The following MCTP1 variants were observed in gnomAD, a reference collection of about 807,000 sequenced individuals.
The protein encoded by MCTP1 is multiple C2 and transmembrane domain-containing protein 1.
In MCTP1, 69 loss-of-function variants were observed where a neutral mutation model predicts 120.6. That is an observed-to-expected ratio of 0.57 (90% CI 0.47 to 0.70). MCTP1 has a LOEUF of 0.70. Among genes scored for constraint, MCTP1 ranks in the 30% least tolerant of loss-of-function variants. The pLI is 0.00. For missense variants in MCTP1, 1,203 were observed against 1,248.8 expected (o/e 0.96, Z 0.55); for synonymous variants, 529 against 493.1 (o/e 1.07, Z -0.96).
At chr5:95,246,840 G>A (rs1756846461) in intron 1 of MCTP1, among the ~76,000 whole-genome samples, 1 of 152,132 alleles carries the variant, frequency 6.6e-6, no homozygotes, top group Non-Finnish European at 1.5e-5. Flanking sequence ...AGGGATATTG[G>A]CCTAAGATTC....
chr5:94,959,897 T>A (rs945771848), intron 2 of MCTP1, among the ~76,000 whole-genome samples: 6 of 152,210 alleles, frequency 3.9e-5, no homozygotes, highest in African/African-American at 1.4e-4. Flanking sequence ...ATTGACTTTC[T>A]TCAGAGAATT....
intron 1 of MCTP1, among the ~76,000 whole-genome samples, chr5:95,107,449 A>C (rs2152382656): frequency 6.6e-6 from 1 of 152,380 alleles, no homozygotes; most frequent in South Asian, 2.1e-4. Flanking sequence ...TAAATAAAGT[A>C]ACATTTTATT....
chr5:95,177,196 CAGAG>C (rs1345151186), intron 1 of MCTP1, among the ~76,000 whole-genome samples: 2 of 151,598 alleles, frequency 1.3e-5, no homozygotes, highest in Non-Finnish European at 2.9e-5. Context: ...CACATACACA[CAGAG>C]AGAAAGAGAT....
rs188818532 is a variant in MCTP1 at position 95,070,447 on chromosome 5, C to T, written c.721-52963G>A. On this transcript the variant is annotated intron_variant, in intron 1 of 22. Coordinates refer to ENST00000515393, the MANE Select transcript of MCTP1 (RefSeq NM_024717.7). The stretch of plus-strand genomic sequence containing the variant: ...GGGGATACCTTTAGGGACCTCCAAA[C>T]CTCTCAGCTTCCACAGCCACTCTGA... 6.6e-5 allele frequency among the ~76,000 whole-genome samples: 10 copies of T among 152,364 alleles called. No homozygotes were observed. The East Asian group carries it at 1.9e-3, about 29-fold the overall frequency.
Position 94,903,181 on chromosome 5 carries a change from T to A in MCTP1, c.1652+6070A>T, listed in dbSNP as rs568710678. Among the ~76,000 whole-genome samples, 5 of 152,294 alleles carry A rather than the reference T, an allele frequency of 3.3e-5. No homozygotes were observed. In the East Asian group the frequency reaches 7.7e-4, roughly 23 times the overall value. ...AAATAGTAAAATACAATGTTTTTTTTAAACTCTCTTCAGTTTAGAATTTTC... is the reference window on the plus strand; with the variant it reads ...AAATAGTAAAATACAATGTTTTTTTAAAACTCTCTTCAGTTTAGAATTTTC... On this transcript the variant is annotated intron_variant, in intron 10 of 22. Transcript: ENST00000515393.
At chr5:94,945,080 T>G (rs1464228801) in intron 3 of MCTP1, among the ~76,000 whole-genome samples, 1 of 152,156 alleles carries the variant, frequency 6.6e-6, no homozygotes, top group Non-Finnish European at 1.5e-5. Context: ...CAAATCTTGT[T>G]GTATTGAGTG....
chr5:94,975,735 T>C (rs1049495299), intron 2 of MCTP1, among the ~76,000 whole-genome samples: 4 of 152,062 alleles, frequency 2.6e-5, no homozygotes, highest in African/African-American at 9.7e-5. Flanking sequence ...TCTTCACCCC[T>C]TTCCCTCTCT....
chr5:94,815,746 T>C (rs982634659), intron 17 of MCTP1, among the ~76,000 whole-genome samples: 1 of 152,198 alleles, frequency 6.6e-6, no homozygotes, highest in Non-Finnish European at 1.5e-5. Context: ...TGAGGAGGCA[T>C]ACAATAGTGT....
Position 95,228,604 on chromosome 5 carries a change from T to C in MCTP1, c.720+55252A>G, listed in dbSNP as rs556179504. Among the ~76,000 whole-genome samples the C allele has an allele frequency of 2.5e-3, 385 of 152,222 alleles. 1 individual carries two copies. Among genetic ancestry groups the C allele is most frequent in the Middle Eastern group, 3.4e-3 (1 of 294 alleles). ...GAACCCAAATTAGTAGATAATATGG[T>C]TTGGATCTGTGTCTTTCTCCACCAA... is the stretch of plus-strand genomic sequence containing the variant. On this transcript the variant is annotated intron_variant, in intron 1 of 22. Coordinates refer to ENST00000515393, the MANE Select transcript of MCTP1 (RefSeq NM_024717.7).
intron 1 of MCTP1, among the ~76,000 whole-genome samples, chr5:95,168,203 T>C (rs1746695791): frequency 6.6e-6 from 1 of 152,224 alleles, no homozygotes; most frequent in Non-Finnish European, 1.5e-5. Context: ...ATCAGATAGT[T>C]GTAGACGTGT....
At chr5:94,994,943 T>A (rs900922568) in intron 2 of MCTP1, among the ~76,000 whole-genome samples, 44 of 152,316 alleles carry the variant, frequency 2.9e-4, no homozygotes, top group African/African-American at 1.1e-3. Context: ...ACACCAGTGT[T>A]TTGCCAGGGG....
At chr5:94,724,197 T>G (rs948564847) in intron 19 of MCTP1, among the ~76,000 whole-genome samples, 1 of 152,168 alleles carries the variant, frequency 6.6e-6, no homozygotes, top group African/African-American at 2.4e-5. Context: ...GCAATACAGA[T>G]GGACTTGTTG....
chr5:95,005,202 T>G (rs1834469055), intron 2 of MCTP1, among the ~76,000 whole-genome samples: 1 of 152,210 alleles, frequency 6.6e-6, no homozygotes, highest in Admixed American at 6.5e-5. Context: ...TTTTTCCCTT[T>G]TTTTAATGGG....
In MCTP1 at chr5:95,068,458, G is replaced by C. The variant is rs75129312; in HGVS notation, c.721-50974C>G. ...GAAAACAAAACAAAACCAAAACCCA[G>C]GGACAGTCTAGTCTAATACGTCAAC... On this transcript the variant is annotated intron_variant, in intron 1 of 22. Transcript: ENST00000515393. 8.9e-3 allele frequency among the ~76,000 whole-genome samples: 1,352 copies of C among 152,242 alleles called. 7 individuals carry two copies. The highest frequency in any genetic ancestry group is 0.014 in the Middle Eastern group (4 of 294).
chr5:94,707,821 A>AATTGAT (rs1755096277), intron 22 of MCTP1, among the ~76,000 whole-genome samples: 1 of 151,952 alleles, frequency 6.6e-6, no homozygotes, highest in African/African-American at 2.4e-5. Flanking sequence ...TTACATTAAA[A>AATTGAT]GTAAAACCAT....
At chr5:95,162,064 A>T (rs1217892720) in intron 1 of MCTP1, among the ~76,000 whole-genome samples, 1 of 152,222 alleles carries the variant, frequency 6.6e-6, no homozygotes, top group African/African-American at 2.4e-5. Flanking sequence ...ATTAGAAAAC[A>T]TCAGTATGTA....
chr5:94,766,589 A>G (rs1189679811), intron 19 of MCTP1, among the ~76,000 whole-genome samples: 1 of 152,030 alleles, frequency 6.6e-6, no homozygotes, highest in African/African-American at 2.4e-5. Context: ...GAGTTAACGG[A>G]TGCAGCACAC....
chr5:94,727,173 C>A (rs761895434), intron 19 of MCTP1, among the ~76,000 whole-genome samples: 6 of 152,160 alleles, frequency 3.9e-5, no homozygotes, highest in Non-Finnish European at 5.9e-5. Context: ...CTAGCATAGA[C>A]AAAACAGCAC....
At chr5:95,072,814 C>T (rs1438808484) in intron 1 of MCTP1, among the ~76,000 whole-genome samples, 2 of 137,024 alleles carry the variant, frequency 1.5e-5, no homozygotes, top group Non-Finnish European at 1.5e-5. Flanking sequence ...GGCGAGATCT[C>T]GGCTCACTGC....
Sources: allele counts gnomAD v4.1 joint callset (sites outside exome capture counted in the v4.1 genomes callset), GRCh38; gene constraint gnomAD v4.1.1; transcripts MANE v1.5; gene names NCBI Gene and HGNC (gene_info 2026-07-23, HGNC 2026-07-21).